Variants in CNTLN observed in about 807,000 individuals in gnomAD.
CNTLN encodes centlein, also known as centlein, centrosomal protein.
In CNTLN, 212 loss-of-function variants were observed where a neutral mutation model predicts 180.0. The ratio of observed to expected loss-of-function variants is 1.18; its 90% CI spans 1.05 to 1.32. The LOEUF (loss-of-function observed/expected upper bound fraction) is 1.32. CNTLN is among the 40% of genes most tolerant of loss of function. The pLI is 0.00. For synonymous variants in CNTLN, 722 were observed against 563.1 expected, an observed-to-expected ratio of 1.28 and a Z score of -3.99; for missense variants, 2,095 against 1,610.9, an observed-to-expected ratio of 1.30 and a Z score of -5.14.
At chr9:17,409,828 C>A (rs566331887) in intron 16 of CNTLN, among the ~76,000 whole-genome samples, 2 of 151,996 alleles carry the variant, frequency 1.3e-5, no homozygotes, top group Non-Finnish European at 2.9e-5. Context: ...CTGACTAAAT[C>A]TCTAAATTAC....
downstream of CNTLN, among the ~76,000 whole-genome samples, chr9:17,508,553 T>C (rs1426087752): frequency 1.3e-5 from 2 of 152,190 alleles, no homozygotes; most frequent in African/African-American, 4.8e-5. Context: ...TTCCTCATGT[T>C]ACCCCTTAGC....
At chr9:17,153,882 T>C (rs1012228153) in intron 2 of CNTLN, among the ~76,000 whole-genome samples, 1 of 152,184 alleles carries the variant, frequency 6.6e-6, no homozygotes, top group Non-Finnish European at 1.5e-5. Flanking sequence ...AATCTTGTCT[T>C]CTCTGTTTAT....
At chr9:17,249,638 T>C (rs7033974) in intron 5 of CNTLN, among the ~76,000 whole-genome samples, 69,662 of 151,710 alleles carry the variant, frequency 0.46, 16,976 homozygotes, top group South Asian at 0.66. Flanking sequence ...CACGAGCTGC[T>C]GCATCCAGCT....
the CNTLN span, among the ~76,000 whole-genome samples, chr9:17,513,273 G>GC: frequency 6.7e-6 from 1 of 149,660 alleles, no homozygotes; most frequent in Non-Finnish European, 1.5e-5. Context: ...ATGAAAATGA[G>GC]AATACTTTTT....
At chr9:17,478,787 A>T (rs1355145524) in intron 23 of CNTLN, among the ~76,000 whole-genome samples, 1 of 152,128 alleles carries the variant, frequency 6.6e-6, no homozygotes, top group Non-Finnish European at 1.5e-5. Flanking sequence ...GACTATATTT[A>T]TGGATTTATT....
chr9:17,191,720 T>C (rs1206236501), intron 2 of CNTLN, among the ~76,000 whole-genome samples: 1 of 152,136 alleles, frequency 6.6e-6, no homozygotes, highest in Non-Finnish European at 1.5e-5. Context: ...TTGTGTAATT[T>C]TACAAATAAT....
intron 12 of CNTLN, among the ~76,000 whole-genome samples, chr9:17,360,234 C>G (rs767943592): frequency 4.6e-5 from 7 of 152,080 alleles, no homozygotes; most frequent in Admixed American, 2.6e-4. Context: ...TTCAATGAAA[C>G]TTGTTAAAGT....
chr9:17,149,999 C>CT (rs924321406), intron 2 of CNTLN, among the ~76,000 whole-genome samples: 4 of 151,192 alleles, frequency 2.6e-5, no homozygotes, highest in South Asian at 2.1e-4. Context: ...TTTGATGGAA[C>CT]TTTTTTTTTC....
At chr9:17,439,273 T>C (rs1829968306) in intron 18 of CNTLN, among the ~76,000 whole-genome samples, 1 of 152,154 alleles carries the variant, frequency 6.6e-6, no homozygotes, top group African/African-American at 2.4e-5. Context: ...CAATAAAAAG[T>C]CTTTCTCTAA....
chr9:17,263,305 T>G (rs1225956841), intron 5 of CNTLN, among the ~76,000 whole-genome samples: 1 of 149,458 alleles, frequency 6.7e-6, no homozygotes, highest in Non-Finnish European at 1.5e-5. Context: ...TGGCTTTTTG[T>G]CCTTGCGATA....
chr9:17,369,983 C>G (rs577445260), intron 13 of CNTLN, among the ~76,000 whole-genome samples: 105 of 143,978 alleles, frequency 7.3e-4, no homozygotes, highest in Admixed American at 1.4e-3. Flanking sequence ...GAGACTCCAT[C>G]TCGAAAAAAA....
intron 2 of CNTLN, among the ~76,000 whole-genome samples, chr9:17,207,598 C>A (rs940809159): frequency 6.6e-6 from 1 of 152,202 alleles, no homozygotes; most frequent in African/African-American, 2.4e-5. Flanking sequence ...GGAGGGAGGT[C>A]CCCCAGCTCC....
chr9:17,275,408 T>C (rs1828247929), intron 6 of CNTLN, among the ~76,000 whole-genome samples: 2 of 152,132 alleles, frequency 1.3e-5, no homozygotes, highest in African/African-American at 4.8e-5. Flanking sequence ...AATGACAACA[T>C]TTTTTCACTA....
At chr9:17,298,684 C>T (rs1168021217) in intron 7 of CNTLN, 1 of 1,005,024 alleles carries the variant, frequency 1.0e-6, no homozygotes, top group Non-Finnish European at 1.2e-6. Flanking sequence ...CCTGCTATTA[C>T]AAGAAATTAT....
intron 12 of CNTLN, among the ~76,000 whole-genome samples, chr9:17,348,655 C>G (rs1017388058): frequency 3.3e-5 from 5 of 151,926 alleles, no homozygotes; most frequent in African/African-American, 1.2e-4. Context: ...CTCAGCCTCC[C>G]TAGTAGCTGG....
At chr9:17,196,523 C>A (rs1272880048) in intron 2 of CNTLN, among the ~76,000 whole-genome samples, 2 of 151,794 alleles carry the variant, frequency 1.3e-5, no homozygotes, top group Non-Finnish European at 2.9e-5. Flanking sequence ...GTGGTCAGAA[C>A]TTTATTAGGA....
chr9:17,351,554 GTAT>G (rs1374936628), intron 12 of CNTLN, among the ~76,000 whole-genome samples: 3 of 152,176 alleles, frequency 2.0e-5, no homozygotes, highest in Admixed American at 6.5e-5. Context: ...ATAAGTTTAT[GTAT>G]TATTTTTTTT....
chr9:17,410,919 A>T (rs988107119), intron 16 of CNTLN, among the ~76,000 whole-genome samples: 1 of 152,160 alleles, frequency 6.6e-6, no homozygotes, highest in African/African-American at 2.4e-5. Context: ...ACATTTTAGT[A>T]GTCTTGATTG....
At chr9:17,416,900 AAAC>A (rs149186127) in intron 18 of CNTLN, among the ~76,000 whole-genome samples, 6,687 of 152,064 alleles carry the variant, frequency 0.044, 469 homozygotes, top group African/African-American at 0.15. Context: ...TTATATTAGA[AAAC>A]AATCTTTCAA....
Sources: gnomAD v4.1 joint callset for allele counts (sites outside exome capture counted in the v4.1 genomes callset) on GRCh38, gnomAD v4.1.1 for gene constraint, MANE v1.5 for transcripts, NCBI Gene and HGNC (gene_info 2026-07-23, HGNC 2026-07-21) for gene names.